Variants in SIPA1L1 observed in about 807,000 individuals in gnomAD.
The protein encoded by SIPA1L1 is signal-induced proliferation-associated 1-like protein 1.
A neutral mutation model predicts 162.7 loss-of-function variants in SIPA1L1; 26 were observed. The observed-to-expected ratio is 0.16, with a 90% CI of 0.12 to 0.22. The LOEUF (loss-of-function observed/expected upper bound fraction) is 0.22, where lower values mean the gene tolerates loss of function less well. Among genes scored for constraint, SIPA1L1 ranks in the 10% least tolerant of loss-of-function variants. The probability of loss-of-function intolerance (pLI) is 1.00; values close to 1 mark genes in which losing one functional copy is unlikely to be tolerated. For synonymous variants in SIPA1L1, 829 were observed against 837.4 expected, an observed-to-expected ratio of 0.99 and a Z score of 0.17; for missense variants, 1,874 against 2,241.0, an observed-to-expected ratio of 0.84 and a Z score of 3.31.
chr14:71,320,709 C>CA (rs2032601812), intron 1 of SIPA1L1, among the ~76,000 whole-genome samples: 1 of 150,758 alleles, frequency 6.6e-6, no homozygotes, highest in Admixed American at 6.6e-5. Flanking sequence ...CTCATCCCCC[C>CA]CCCGGCAACC....
At chr14:71,574,669 G>A (rs1261702776) in intron 4 of SIPA1L1, 4 of 150,548 alleles carry the variant, frequency 2.7e-5, no homozygotes, top group Non-Finnish European at 4.4e-5. Context: ...CTAGTTAGAG[G>A]ATTTATTTTA....
In SIPA1L1 at chr14:71,672,024, A is replaced by G. The variant is rs374842249; in HGVS notation, c.2830-324A>G. 2.8e-4 allele frequency among the ~76,000 whole-genome samples: 42 copies of G among 151,916 alleles called. 1 individual carries two copies. In the East Asian group the frequency reaches 3.9e-3, roughly 14 times the overall value. ...TCATCTGGTGGTGGTGTTGAAAAGA[A>G]TTGCTTGAGTATCTGCTGCCTTGAA... On this transcript the variant is annotated intron_variant, in intron 11 of 23. Coordinates refer to ENST00000381232, the MANE Select transcript of SIPA1L1 (RefSeq NM_001386936.1).
At chr14:71,732,081 C>T (rs1416302904) in intron 20 of SIPA1L1, among the ~76,000 whole-genome samples, 1 of 152,228 alleles carries the variant, frequency 6.6e-6, no homozygotes, top group Non-Finnish European at 1.5e-5. Context: ...TTAAGTAGAA[C>T]TGAACATTTA....
chr14:71,367,360 GC>G (rs1387764502), intron 2 of SIPA1L1, among the ~76,000 whole-genome samples: 2 of 148,406 alleles, frequency 1.3e-5, no homozygotes, highest in Non-Finnish European at 3.0e-5. Flanking sequence ...AGGCTGGAGT[GC>G]AGTGGCGCGA....
rs541430711 is a variant in SIPA1L1, at chr14:71,506,407, C to T, written c.-464-6336C>T. On this transcript the variant is annotated intron_variant, in intron 2 of 23. Coordinates refer to ENST00000381232, the MANE Select transcript of SIPA1L1 (RefSeq NM_001386936.1). ...CTAGGATGGAGTGCAGTGGCGTGATCTCGGCTCACTGTGACCTCTGCCTCA... is the reference window on the plus strand; with the variant it reads ...CTAGGATGGAGTGCAGTGGCGTGATTTCGGCTCACTGTGACCTCTGCCTCA... 1.3e-3 allele frequency among the ~76,000 whole-genome samples: 191 copies of T among 152,254 alleles called. 1 individual carries two copies. Among genetic ancestry groups the T allele is most frequent in the Non-Finnish European group, 2.2e-3 (148 of 68,028 alleles).
At chr14:71,506,283 A>G (rs1469368697) in intron 2 of SIPA1L1, among the ~76,000 whole-genome samples, 3 of 152,162 alleles carry the variant, frequency 2.0e-5, no homozygotes, top group South Asian at 2.1e-4. Context: ...CTTCTGTTGT[A>G]TTATTTACAT....
At chr14:71,480,743 C>T (rs1232634972) in intron 2 of SIPA1L1, among the ~76,000 whole-genome samples, 3 of 152,078 alleles carry the variant, frequency 2.0e-5, no homozygotes, top group Non-Finnish European at 4.4e-5. Context: ...GCCTGGGTGA[C>T]AGAGCAAGAC....
intron 4 of SIPA1L1, among the ~76,000 whole-genome samples, chr14:71,547,272 G>A (rs900668501): frequency 2.0e-5 from 3 of 146,488 alleles, no homozygotes; most frequent in African/African-American, 5.0e-5. Context: ...CATAAGATTC[G>A]TCACTTAATA....
chr14:71,582,537 G>A (rs1419270608), intron 4 of SIPA1L1, among the ~76,000 whole-genome samples: 2 of 152,046 alleles, frequency 1.3e-5, no homozygotes, highest in Non-Finnish European at 2.9e-5. Flanking sequence ...TGAGTGGGAG[G>A]GAAATGTGAT....
At chr14:71,706,564 A>G (rs2082452447) in intron 16 of SIPA1L1, among the ~76,000 whole-genome samples, 1 of 152,214 alleles carries the variant, frequency 6.6e-6, no homozygotes, top group Non-Finnish European at 1.5e-5. Flanking sequence ...ACACATGACT[A>G]AGGGTCACCA....
At chr14:71,557,367 T>G (rs1305327692) in intron 4 of SIPA1L1, among the ~76,000 whole-genome samples, 1 of 152,246 alleles carries the variant, frequency 6.6e-6, no homozygotes, top group Non-Finnish European at 1.5e-5. Context: ...TTTTCCCTGA[T>G]ATTTTATTAA....
chr14:71,651,215 A>G (rs181953194), intron 8 of SIPA1L1, among the ~76,000 whole-genome samples: 65 of 152,254 alleles, frequency 4.3e-4, no homozygotes, highest in Non-Finnish European at 1.0e-4. Context: ...GACTTTTGCT[A>G]TGTGTCTGTG....
At chr14:71,498,733 A>G (rs968941232) in intron 2 of SIPA1L1, among the ~76,000 whole-genome samples, 1 of 152,170 alleles carries the variant, frequency 6.6e-6, no homozygotes, top group Non-Finnish European at 1.5e-5. Flanking sequence ...TAATTTGCCT[A>G]CCAACTCTTT....
rs143599982 is a variant in SIPA1L1, at chr14:71,591,716, A to T, written c.1498+2346A>T. ...TTGTGAGACCAAGGGCTTTTCTTTG[A>T]CAATGATTCTACTCTTTTAAATTCT... On this transcript the variant is annotated intron_variant, in intron 5 of 23. Transcript: ENST00000381232. Among the ~76,000 whole-genome samples, 9 of 152,328 alleles carry T rather than the reference A, an allele frequency of 5.9e-5. No homozygotes were observed. The East Asian group carries it at 1.7e-3, about 29-fold the overall frequency.
chr14:71,467,011 ATC>A (rs1425721125), intron 2 of SIPA1L1, among the ~76,000 whole-genome samples: 2 of 152,240 alleles, frequency 1.3e-5, no homozygotes, highest in Non-Finnish European at 1.5e-5. Context: ...AAACTATTTT[ATC>A]TCATAACTCA....
intron 2 of SIPA1L1, among the ~76,000 whole-genome samples, chr14:71,435,249 A>T (rs552819254): frequency 2.0e-5 from 3 of 152,002 alleles, no homozygotes; most frequent in South Asian, 2.1e-4. Flanking sequence ...ATATATATAC[A>T]TGCGCCATGT....
intron 2 of SIPA1L1, chr14:71,416,296 C>T (rs2042756210): frequency 6.6e-6 from 1 of 152,126 alleles, no homozygotes; most frequent in Non-Finnish European, 1.5e-5. Flanking sequence ...CAGACAATAT[C>T]AAGAACTGAT....
chr14:71,356,584 A>AAAAAAAAAAAAAAAAAAAAAAAC (rs2037284301), intron 2 of SIPA1L1, among the ~76,000 whole-genome samples: 4 of 146,576 alleles, frequency 2.7e-5, no homozygotes, highest in South Asian at 2.2e-4. Flanking sequence ...AAAAAAAAAA[A>AAAAAAAAAAAAAAAAAAAAAAAC]AAAGCACACC....
chr14:71,327,009 G>T (rs1050291318), intron 2 of SIPA1L1, among the ~76,000 whole-genome samples: 1 of 151,124 alleles, frequency 6.6e-6, no homozygotes, highest in Non-Finnish European at 1.5e-5. Flanking sequence ...ATTGCGCCCG[G>T]CCTAATTTGG....
Sources: gnomAD v4.1 joint callset for allele counts (sites outside exome capture counted in the v4.1 genomes callset) on GRCh38, gnomAD v4.1.1 for gene constraint, MANE v1.5 for transcripts, NCBI Gene and HGNC (gene_info 2026-07-23, HGNC 2026-07-21) for gene names.